Variants in MOB1B observed in about 807,000 individuals in gnomAD.
MOB1B encodes MOB1 Mps One Binder homolog B.
In MOB1B, 19 loss-of-function variants were observed where a neutral mutation model predicts 24.4. The ratio of observed to expected loss-of-function variants is 0.78; its 90% CI spans 0.54 to 1.14. The LOEUF is 1.14. MOB1B is among the 50% of genes most tolerant of loss of function. The pLI is 0.00. For missense variants in MOB1B, 243 were observed against 259.6 expected, an observed-to-expected ratio of 0.94 and a Z score of 0.44; for synonymous variants, 76 against 82.1, an observed-to-expected ratio of 0.93 and a Z score of 0.40.
rs906146791 is a variant in MOB1B at position 70,982,946 on chromosome 4, G to C, written c.*889G>C. On this transcript the variant is annotated 3_prime_UTR_variant, in exon 6 of 6. Transcript: ENST00000309395. Reference sequence around the variant, plus strand: ...TTCTACTTTGAAGAGAAGGGGATAGGAATGTATATTTGGCTGGGGGCATGG... The same window carrying C: ...TTCTACTTTGAAGAGAAGGGGATAGCAATGTATATTTGGCTGGGGGCATGG... 2 of 152,542 alleles carry C rather than the reference G, an allele frequency of 1.3e-5. No individual in the cohort carries two copies. Among genetic ancestry groups the C allele is most frequent in the Non-Finnish European group, 2.9e-5 (2 of 67,996 alleles). 9.4% of individuals were successfully genotyped at this position (152,542 alleles called of 1,614,324 possible).
At chr4:70,974,376 T>A (rs1459455724) in intron 3 of MOB1B, among the ~76,000 whole-genome samples, 1 of 152,164 alleles carries the variant, frequency 6.6e-6, no homozygotes, top group South Asian at 2.1e-4. Context: ...AGTGCTAGGA[T>A]TACAGGTGTG....
chr4:70,963,926 A>G (rs1738413495), intron 2 of MOB1B, among the ~76,000 whole-genome samples: 1 of 152,338 alleles, frequency 6.6e-6, no homozygotes, highest in East Asian at 1.9e-4. Flanking sequence ...TACTTTAAAT[A>G]TACAGATATA....
chr4:70,950,640 G>A (rs1016555187), intron 1 of MOB1B: 132 of 794,838 alleles, frequency 1.7e-4, no homozygotes, highest in Admixed American at 3.2e-4. Context: ...AAATAGTTGC[G>A]AGTACAAAGC....
chr4:70,934,956 T>A (rs956220338), intron 1 of MOB1B, among the ~76,000 whole-genome samples: 3 of 152,134 alleles, frequency 2.0e-5, no homozygotes, highest in African/African-American at 7.2e-5. Flanking sequence ...ATATGTATAT[T>A]TTTAGAGACA....
At chr4:70,975,354 C>A (rs750934828) in intron 4 of MOB1B, 68 bp downstream of exon 4, 3 of 1,576,884 alleles carry the variant, frequency 1.9e-6, no homozygotes, top group Admixed American at 1.8e-5. Context: ...AATTTTCCTC[C>A]CTCTTTCCAC....
chr4:70,951,392 G>C (rs183497041), intron 1 of MOB1B, among the ~76,000 whole-genome samples: 243 of 152,322 alleles, frequency 1.6e-3, no homozygotes, highest in Non-Finnish European at 3.2e-3. Flanking sequence ...GGAAGACTAA[G>C]AGATATGTAT....
At chr4:70,913,728 T>C (rs1448725904) in intron 1 of MOB1B, among the ~76,000 whole-genome samples, 1 of 152,176 alleles carries the variant, frequency 6.6e-6, no homozygotes, top group Non-Finnish European at 1.5e-5. Context: ...TTTTTTGTTA[T>C]TAATATTTTA....
chr4:70,974,976 T>G (rs1738917468), intron 3 of MOB1B, among the ~76,000 whole-genome samples, 177 bp from the exon 4 acceptor site: 1 of 152,218 alleles, frequency 6.6e-6, no homozygotes, highest in Non-Finnish European at 1.5e-5. Context: ...TCTACTTAGT[T>G]TGGATTGTGA....
intron 2 of MOB1B, among the ~76,000 whole-genome samples, chr4:70,966,374 CTTTTTT>C (rs777364803): frequency 7.2e-6 from 1 of 138,046 alleles, no homozygotes; most frequent in East Asian, 2.1e-4. Flanking sequence ...GTGAGTCCCA[CTTTTTT>C]TTTTTTTTTT....
intron 1 of MOB1B, among the ~76,000 whole-genome samples, chr4:70,910,936 C>T (rs946071823): frequency 3.3e-5 from 5 of 151,940 alleles, no homozygotes; most frequent in Non-Finnish European, 7.4e-5. Context: ...TACAGGTGCC[C>T]GCCACCACGC....
At chr4:70,940,519 C>T (rs1449055166) in intron 1 of MOB1B, among the ~76,000 whole-genome samples, 1 of 152,100 alleles carries the variant, frequency 6.6e-6, no homozygotes, top group Non-Finnish European at 1.5e-5. Context: ...TGGTGACTTG[C>T]CCGTATTAGG....
chr4:70,979,590 G>A (rs1240009574), intron 5 of MOB1B, among the ~76,000 whole-genome samples: 1 of 152,174 alleles, frequency 6.6e-6, no homozygotes, highest in African/African-American at 2.4e-5. Flanking sequence ...CAGATCTGTG[G>A]ATGAACTGGT....
intron 1 of MOB1B, among the ~76,000 whole-genome samples, chr4:70,928,332 G>A (rs1736735478): frequency 6.8e-6 from 1 of 146,692 alleles, no homozygotes. Context: ...GTCTTGCTGT[G>A]TCACCTAGGC....
At chr4:70,976,153 C>T (rs1185972413) in intron 4 of MOB1B, 19 of 940,594 alleles carry the variant, frequency 2.0e-5, no homozygotes, top group East Asian at 1.2e-4. Flanking sequence ...CTACCCACCT[C>T]GGCCTCCCAA....
intron 1 of MOB1B, among the ~76,000 whole-genome samples, chr4:70,956,992 T>G (rs1578386706): frequency 6.6e-6 from 1 of 151,978 alleles, no homozygotes; most frequent in Non-Finnish European, 1.5e-5. Flanking sequence ...TGAGAACTAC[T>G]GGTTTATCTT....
chr4:70,955,464 C>CT (rs36054184), intron 1 of MOB1B, among the ~76,000 whole-genome samples: 28,016 of 89,338 alleles, frequency 0.31, 3,108 homozygotes, highest in African/African-American at 0.35. Flanking sequence ...AGTATGTGTC[C>CT]TTTTTTTTTT....
At chr4:70,976,960 T>C (rs1333770072) in intron 4 of MOB1B, among the ~76,000 whole-genome samples, 2 of 151,978 alleles carry the variant, frequency 1.3e-5, no homozygotes, top group African/African-American at 2.4e-5. Flanking sequence ...GTTAACATCT[T>C]CCTCCTTCCC....
chr4:70,911,294 T>C (rs1735978209), intron 1 of MOB1B, among the ~76,000 whole-genome samples: 2 of 152,014 alleles, frequency 1.3e-5, no homozygotes, highest in Non-Finnish European at 2.9e-5. Context: ...TCAGATATTA[T>C]ATCCTTATAA....
chr4:70,981,909 T>C, intron 5 of MOB1B, 71 bp from the exon 6 acceptor site: 2 of 994,104 alleles, frequency 2.0e-6, no homozygotes, highest in Non-Finnish European at 3.2e-6. Flanking sequence ...ATGTTCATGG[T>C]AATTTACTTT....
Sources: allele counts gnomAD v4.1 joint callset (sites outside exome capture counted in the v4.1 genomes callset), GRCh38; gene constraint gnomAD v4.1.1; transcripts MANE v1.5; gene names NCBI Gene and HGNC (gene_info 2026-07-23, HGNC 2026-07-21).